Variants in ATE1 observed in about 807,000 individuals in gnomAD.
ATE1 encodes the protein arginyltransferase 1.
Under a neutral mutation model 70.5 loss-of-function variants are expected in ATE1, and 36 were observed. The observed-to-expected ratio is 0.51, with a 90% CI of 0.39 to 0.67. ATE1 has a LOEUF of 0.67. Ranked by LOEUF, ATE1 falls within the 30% of genes least tolerant of loss-of-function variation. The pLI is 0.00. For synonymous variants in ATE1, 232 were observed against 219.3 expected (o/e 1.06, Z -0.51); for missense variants, 593 against 629.5 (o/e 0.94, Z 0.62).
chr10:121,763,579 G>A (rs1299355071), intron 11 of ATE1, among the ~76,000 whole-genome samples: 11 of 152,152 alleles, frequency 7.2e-5, no homozygotes, highest in Non-Finnish European at 5.9e-5. Flanking sequence ...AAGAATCAGG[G>A]GTTGCCAGAG....
At chr10:121,791,038 G>A (rs1032655124) in intron 10 of ATE1, among the ~76,000 whole-genome samples, 1 of 147,630 alleles carries the variant, frequency 6.8e-6, no homozygotes, top group African/African-American at 2.5e-5. Flanking sequence ...ATGTATATAT[G>A]TGTATATATA....
At chr10:121,797,386 C>T (rs1946699406) in intron 10 of ATE1, among the ~76,000 whole-genome samples, 2 of 152,046 alleles carry the variant, frequency 1.3e-5, no homozygotes, top group South Asian at 4.1e-4. Context: ...TACAATTCAG[C>T]ACTTTTTGTT....
At chr10:121,864,934 T>C (rs945606792) in intron 8 of ATE1, among the ~76,000 whole-genome samples, 1 of 152,156 alleles carries the variant, frequency 6.6e-6, no homozygotes, top group Non-Finnish European at 1.5e-5. Flanking sequence ...AACAAAGAAT[T>C]ATCCAGCCCA....
intron 11 of ATE1, among the ~76,000 whole-genome samples, chr10:121,783,881 A>C (rs1434496377): frequency 6.6e-6 from 1 of 150,606 alleles, no homozygotes; most frequent in African/African-American, 2.4e-5. Flanking sequence ...TGTTTGGGGG[A>C]AAATTTTTTT....
rs3750835 is a variant in ATE1 at position 121,899,103 on chromosome 10, T to C, written c.942+763A>G. 0.91 allele frequency: 919,849 copies of C among 1,005,724 alleles called. 421,294 individuals carry two copies. The highest frequency in any genetic ancestry group is 0.94 in the Middle Eastern group (3,294 of 3,500). 62.3% of individuals were successfully genotyped at this position (1,005,724 alleles called of 1,614,324 possible). ...CTCGAATTTGTCATGAAAAGAAACC[T>C]TAGACGAGGCAGACGGGTGCAGAGA... On this transcript the variant is annotated intron_variant, in intron 7 of 11. Coordinates refer to ENST00000224652, the MANE Select transcript of ATE1 (RefSeq NM_001001976.3).
chr10:121,839,975 GA>G (rs1217406247), intron 9 of ATE1, among the ~76,000 whole-genome samples: 5 of 152,148 alleles, frequency 3.3e-5, no homozygotes, highest in Admixed American at 3.3e-4. Flanking sequence ...GATGAAAAGA[GA>G]AAAGTATGAC....
intron 10 of ATE1, among the ~76,000 whole-genome samples, chr10:121,794,710 A>G (rs922843710): frequency 2.0e-5 from 3 of 151,730 alleles, no homozygotes; most frequent in African/African-American, 7.3e-5. Context: ...AAAAAACAAC[A>G]TAAGACCTTA....
Position 121,901,127 on chromosome 10 carries a change from C to A in ATE1, c.814-1133G>T, listed in dbSNP as rs369762327. On this transcript the variant is annotated intron_variant, in intron 6 of 11. Transcript: ENST00000224652. The stretch of plus-strand genomic sequence containing the variant: ...TTAAAAATATCAGAAATTAGCCGGG[C>A]GTAGTGGTGGGCACTTGTAATCCCA... Among the ~76,000 whole-genome samples the A allele has an allele frequency of 2.0e-5, 3 of 151,916 alleles. No individual in the cohort carries two copies. The East Asian group carries it at 5.8e-4, about 30-fold the overall frequency.
At chr10:121,796,207 T>C (rs1258832107) in intron 10 of ATE1, among the ~76,000 whole-genome samples, 1 of 152,068 alleles carries the variant, frequency 6.6e-6, no homozygotes, top group Non-Finnish European at 1.5e-5. Context: ...AAGGAAATCT[T>C]ACCAAGCAAG....
chr10:121,792,979 T>C (rs1254920308), intron 10 of ATE1, among the ~76,000 whole-genome samples: 1 of 151,976 alleles, frequency 6.6e-6, no homozygotes, highest in Non-Finnish European at 1.5e-5. Context: ...GGAAAATAAA[T>C]AGGAAAGCCA....
chr10:121,749,067 CTT>C (rs1944479637), intron 11 of ATE1, among the ~76,000 whole-genome samples: 2 of 152,174 alleles, frequency 1.3e-5, no homozygotes, highest in Non-Finnish European at 2.9e-5. Context: ...CATGAACACA[CTT>C]TGACTATAAA....
chr10:121,750,496 T>TA (rs1260594907), intron 11 of ATE1, among the ~76,000 whole-genome samples: 1 of 152,226 alleles, frequency 6.6e-6, no homozygotes, highest in Non-Finnish European at 1.5e-5. Flanking sequence ...CATGAAATTT[T>TA]AATCTTCAAG....
intron 11 of ATE1, among the ~76,000 whole-genome samples, chr10:121,751,852 T>C (rs118082814): frequency 0.013 from 1,952 of 152,230 alleles, 20 homozygotes; most frequent in Middle Eastern, 0.024. Flanking sequence ...GCCTGTGCTT[T>C]TTGTATCATA....
chr10:121,867,464 T>C (rs917315558), intron 8 of ATE1, among the ~76,000 whole-genome samples: 1 of 152,206 alleles, frequency 6.6e-6, no homozygotes, highest in Non-Finnish European at 1.5e-5. Flanking sequence ...CAAAGCATTA[T>C]ACATTATCAA....
chr10:121,858,106 G>A (rs1949316073), intron 8 of ATE1, among the ~76,000 whole-genome samples: 1 of 152,116 alleles, frequency 6.6e-6, no homozygotes, highest in African/African-American at 2.4e-5. Flanking sequence ...TACTTGGGTT[G>A]CTTCTACCTT....
intron 3 of ATE1, among the ~76,000 whole-genome samples, chr10:121,916,539 TA>T (rs772620149): frequency 2.0e-5 from 3 of 151,936 alleles, no homozygotes; most frequent in Non-Finnish European, 4.4e-5. Flanking sequence ...ACTCAGGTGC[TA>T]AAAAGAATCC....
chr10:121,825,992 GA>G (rs1472223221), intron 10 of ATE1, among the ~76,000 whole-genome samples: 14 of 152,230 alleles, frequency 9.2e-5, no homozygotes, highest in African/African-American at 3.4e-4. Context: ...CAGCCTTAAA[GA>G]GGAAAGAAAT....
At chr10:121,745,683 CAT>C (rs1944338407) in intron 11 of ATE1, among the ~76,000 whole-genome samples, 1 of 152,126 alleles carries the variant, frequency 6.6e-6, no homozygotes, top group Non-Finnish European at 1.5e-5. Flanking sequence ...GCCGAGATGG[CAT>C]CACTGCACTC....
Position 121,899,938 on chromosome 10 carries a change from C to A in ATE1, c.870G>T (p.Glu290Asp). The A allele has an allele frequency of 6.2e-7, 1 of 1,614,018 alleles. No homozygotes were observed. Among genetic ancestry groups the A allele is most frequent in the Non-Finnish European group, 8.5e-7 (1 of 1,179,926 alleles). Residue 290 changes from glutamate (E) to aspartate (D), a missense_variant, in exon 7 of 12, where the codon GAG becomes GAT. Glu to Asp is a conservative substitution (Grantham distance 45). Coordinates refer to ENST00000224652, the MANE Select transcript of ATE1 (RefSeq NM_001001976.3). ...GGTAACGTTTATAGACCTGGTAAGA[C>A]TCCAGAAGTGTGGCTTTGAACTGCG... ...PSSQFKATLL[E>D]SYQVYKRYQM...
Sources: gnomAD v4.1 joint callset for allele counts (sites outside exome capture counted in the v4.1 genomes callset) on GRCh38, gnomAD v4.1.1 for gene constraint, MANE v1.5 for transcripts, NCBI Gene and HGNC (gene_info 2026-07-23, HGNC 2026-07-21) for gene names.